PCDH15: variants seen among roughly 807,000 people sequenced by gnomAD.
The protein encoded by PCDH15 is protocadherin related 15.
A neutral mutation model predicts 178.5 loss-of-function variants in PCDH15; 129 were observed. The ratio of observed to expected loss-of-function variants is 0.72; its 90% confidence interval spans 0.63 to 0.84. The LOEUF (loss-of-function observed/expected upper bound fraction) is 0.84. Among genes scored for constraint, PCDH15 ranks in the 40% least tolerant of loss-of-function variants. PCDH15 has a pLI of 0.00. For missense variants in PCDH15, 2,230 were observed against 2,099.9 expected (o/e 1.06, Z -1.21); for synonymous variants, 800 against 732.0 (o/e 1.09, Z -1.50).
At chr10:54,219,356 C>T (rs1276437243) in intron 9 of PCDH15, among the ~76,000 whole-genome samples, 2 of 149,698 alleles carry the variant, frequency 1.3e-5, no homozygotes, top group Non-Finnish European at 3.0e-5. Context: ...TCTGGGAGGC[C>T]GAGACGGGCA....
rs887685914 is a variant in PCDH15 at position 54,252,060 on chromosome 10, G to A, written c.877-15129C>T. 3.9e-5 allele frequency among the ~76,000 whole-genome samples: 6 copies of A among 152,206 alleles called. No individual in the cohort carries two copies. In the South Asian group the frequency reaches 6.2e-4, roughly 16 times the overall value. The stretch of plus-strand genomic sequence containing the variant: ...GTGTGTTTGAAACTGTGTATTAAGC[G>A]ATGATCACTACCTTGCTGACTGCAA... On this transcript the variant is annotated intron_variant, in intron 8 of 37. Coordinates refer to ENST00000644397, the MANE Select transcript of PCDH15 (RefSeq NM_001384140.1).
At chr10:54,113,481 T>C (rs139627223) in intron 15 of PCDH15, among the ~76,000 whole-genome samples, 2 of 152,244 alleles carry the variant, frequency 1.3e-5, no homozygotes, top group African/African-American at 4.8e-5. Flanking sequence ...ATATCTGTAG[T>C]GTGAAGAAAT....
At chr10:55,408,010 G>A (rs926686544) in intron 2 of PCDH15, among the ~76,000 whole-genome samples, 2 of 152,066 alleles carry the variant, frequency 1.3e-5, no homozygotes, top group Non-Finnish European at 2.9e-5. Context: ...CACCAAAAAT[G>A]TGCTCTCCAA....
At chr10:54,548,290 A>G (rs1471662541) in intron 2 of PCDH15, among the ~76,000 whole-genome samples, 1 of 148,414 alleles carries the variant, frequency 6.7e-6, no homozygotes, top group Non-Finnish European at 1.5e-5. Context: ...GAGACATAAA[A>G]ATATTTTTCT....
chr10:54,803,028 CGG>C (rs1356230550), upstream of PCDH15, among the ~76,000 whole-genome samples: 3 of 152,016 alleles, frequency 2.0e-5, no homozygotes, highest in Non-Finnish European at 4.4e-5. Flanking sequence ...ATATTTACTT[CGG>C]GATGAATAAA....
In PCDH15 at chr10:55,336,800, G is replaced by T. The variant is rs943571667; in HGVS notation, c.-155-170149C>A. 2.0e-5 allele frequency among the ~76,000 whole-genome samples: 3 copies of T among 152,140 alleles called. No homozygotes were observed. The South Asian group carries it at 6.3e-4, about 32-fold the overall frequency. On this transcript the variant is annotated intron_variant, in intron 2 of 5. Transcript: ENST00000613346. ...AGCTTTCCGTTTCTTCATTTCTGAA[G>T]GCTCCCGTGTTACTTAAAGCTTGTA... is the stretch of plus-strand genomic sequence containing the variant.
rs1260683561 is a variant in PCDH15 at position 55,276,275 on chromosome 10, C to T, written c.-156+43324G>A. Among the ~76,000 whole-genome samples, 2 of 150,740 alleles carry T rather than the reference C, an allele frequency of 1.3e-5. 1 individual carries two copies. Among genetic ancestry groups the T allele is most frequent in the African/African-American group, 4.8e-5 (2 of 41,324 alleles). On this transcript the variant is annotated intron_variant, in intron 1 of 5. Transcript: ENST00000458638. ...AATAGAAGTAGTGACTATGGACATC[C>T]TTGATTTGTTTTGGATTATAAAGAA...
chr10:54,807,385 A>G (rs905220411), intron 3 of PCDH15, among the ~76,000 whole-genome samples: 32 of 152,250 alleles, frequency 2.1e-4, no homozygotes, highest in Admixed American at 7.2e-4. Context: ...AGTTGTGAAA[A>G]ATATTTCCAA....
intron 26 of PCDH15, among the ~76,000 whole-genome samples, chr10:53,873,225 C>A (rs2079997195): frequency 6.6e-6 from 1 of 152,238 alleles, no homozygotes; most frequent in South Asian, 2.1e-4. Flanking sequence ...GCAGCCAGAT[C>A]TCTGCCCCTG....
At chr10:55,536,817 T>C (rs905710433) in intron 2 of PCDH15, among the ~76,000 whole-genome samples, 24 of 152,262 alleles carry the variant, frequency 1.6e-4, no homozygotes, top group African/African-American at 5.8e-4. Context: ...TTTACTGAAA[T>C]AGCAGTTTAT....
rs148911683 is a variant in PCDH15 at position 53,827,502 on chromosome 10, G to A, written c.4258C>T (p.Pro1420Ser). 2.5e-6 allele frequency: 4 copies of A among 1,614,000 alleles called. No homozygotes were observed. The highest frequency in any genetic ancestry group is 1.6e-4 in the Middle Eastern group (1 of 6,084). The change falls in exon 32 of 38, where the codon CCC becomes TCC. Residue 1420 changes from proline (P) to serine (S), a missense_variant. By Grantham distance (74) the Pro-to-Ser change is moderately conservative. Coordinates refer to ENST00000644397, the MANE Select transcript of PCDH15 (RefSeq NM_001384140.1). ...GCCGGCACTGCTGGTTTAGCCGCGG[G>A]TAATGCGGCCTGAATTCGTGCAGTC... ...TKTARIQAALPAAKPAVPAPA... is the reference protein window; with the variant it reads ...TKTARIQAALSAAKPAVPAPA...
intron 4 of PCDH15, among the ~76,000 whole-genome samples, chr10:54,377,787 A>G (rs1948661928): frequency 6.6e-6 from 1 of 152,076 alleles, no homozygotes; most frequent in South Asian, 2.1e-4. Flanking sequence ...ATAATCCACT[A>G]CCCTCTGCCC....
At chr10:55,067,913 C>A (rs143950204) in intron 2 of PCDH15, among the ~76,000 whole-genome samples, 238 of 151,866 alleles carry the variant, frequency 1.6e-3, no homozygotes, top group Middle Eastern at 6.8e-3. Context: ...TTATTCGTGT[C>A]CTTTGCCAAT....
intron 1 of PCDH15, among the ~76,000 whole-genome samples, chr10:54,754,045 G>C (rs1465117680): frequency 6.6e-6 from 1 of 151,112 alleles, no homozygotes; most frequent in East Asian, 1.9e-4. Flanking sequence ...AGCCAGGATG[G>C]TCTCGATCTC....
At chr10:53,979,122 G>A (rs1056919997) in intron 21 of PCDH15, among the ~76,000 whole-genome samples, 7 of 152,108 alleles carry the variant, frequency 4.6e-5, no homozygotes, top group Non-Finnish European at 5.9e-5. Flanking sequence ...GTATTAATCC[G>A]TTCTCACACT....
At chr10:55,627,715 G>A (rs1837561424) in exon 2 of PCDH15, 1 of 152,140 alleles carries the variant, frequency 6.6e-6, no homozygotes, top group African/African-American at 2.4e-5. Context: ...ACGGAGCTTA[G>A]GTCCCGCAGA....
At chr10:54,842,562 T>G (rs1953438180) in intron 3 of PCDH15, among the ~76,000 whole-genome samples, 1 of 151,946 alleles carries the variant, frequency 6.6e-6, no homozygotes, top group African/African-American at 2.4e-5. Context: ...TCTGTAGATG[T>G]GTGAGGTAAG....
chr10:54,090,071 G>A lies in PCDH15; in HGVS notation c.1918-8C>T, dbSNP rs2136050318. ...TCCCTCTCGATCAGTTGCCTTCAGA[G>A]AGAAAACATAATTCAATTATCAAGT... On this transcript the variant is annotated splice_region_variant and splice_polypyrimidine_tract_variant and intron_variant, in intron 15 of 37. Coordinates refer to ENST00000644397, the MANE Select transcript of PCDH15 (RefSeq NM_001384140.1). 6.2e-7 allele frequency: 1 copy of A among 1,600,912 alleles called. No homozygotes were observed.
chr10:54,394,427 G>A (rs890210389), intron 3 of PCDH15, among the ~76,000 whole-genome samples: 16 of 152,060 alleles, frequency 1.1e-4, no homozygotes, highest in African/African-American at 1.4e-4. Flanking sequence ...ATGTCGGTAC[G>A]TTCCGTGATG....
Sources: allele counts gnomAD v4.1 joint callset (sites outside exome capture counted in the v4.1 genomes callset), GRCh38; gene constraint gnomAD v4.1.1; transcripts MANE v1.5; gene names NCBI Gene and HGNC (gene_info 2026-07-23, HGNC 2026-07-21).